The following LAMB1 variants were observed in gnomAD, a reference collection of about 807,000 sequenced individuals.
LAMB1 encodes laminin subunit beta-1.
LAMB1 carries 121 observed loss-of-function variants against 222.3 expected under a neutral mutation model. The ratio of observed to expected loss-of-function variants is 0.54; its 90% CI spans 0.47 to 0.63. The LOEUF (loss-of-function observed/expected upper bound fraction) is 0.63, where lower values mean the gene tolerates loss of function less well. LAMB1 is among the 30% of genes least tolerant of loss of function. The pLI is 0.00. For synonymous variants in LAMB1, 794 were observed against 807.2 expected (o/e 0.98, Z 0.28); for missense variants, 2,172 against 2,240.8 (o/e 0.97, Z 0.62).
intron 32 of LAMB1, 109 bp from the exon 33 acceptor site, chr7:107,924,498 G>T: frequency 1.4e-6 from 1 of 712,038 alleles, no homozygotes; most frequent in Non-Finnish European, 2.1e-6. Context: ...GGCCACCAAG[G>T]ATATTCACTG....
At chr7:107,952,544 A>G (rs1399406915) in intron 22 of LAMB1, among the ~76,000 whole-genome samples, 1 of 152,252 alleles carries the variant, frequency 6.6e-6, no homozygotes, top group Admixed American at 6.5e-5. Context: ...ATTTTAAAAA[A>G]TGCCAGTGGG....
chr7:107,939,397 G>A (rs778705085), intron 25 of LAMB1, among the ~76,000 whole-genome samples: 6 of 152,148 alleles, frequency 3.9e-5, no homozygotes, highest in Non-Finnish European at 7.3e-5. Flanking sequence ...ATAACTAGAT[G>A]AATGAAGCAC....
chr7:107,925,775 T>A (rs2032547721), intron 32 of LAMB1, among the ~76,000 whole-genome samples: 2 of 152,108 alleles, frequency 1.3e-5, no homozygotes, highest in Admixed American at 1.3e-4. Flanking sequence ...TGTTCTCTGT[T>A]CCAACCTGCT....
At chr7:107,951,355 G>T (rs1489918871) in intron 23 of LAMB1, 33 bp from the exon 24 acceptor site, 1 of 1,595,080 alleles carries the variant, frequency 6.3e-7, no homozygotes, top group Non-Finnish European at 8.6e-7. Context: ...GGTCAAGCAG[G>T]CTTCAGGCCA....
intron 5 of LAMB1, among the ~76,000 whole-genome samples, chr7:107,991,905 CAAA>C (rs71134302): frequency 6.5e-5 from 6 of 91,970 alleles, no homozygotes; most frequent in African/African-American, 2.5e-4. Flanking sequence ...GACTTCGTCT[CAAA>C]AAAAAAAAAA....
At chr7:107,974,076 C>A (rs1213023147) in intron 12 of LAMB1, among the ~76,000 whole-genome samples, 1 of 152,114 alleles carries the variant, frequency 6.6e-6, no homozygotes, top group African/African-American at 2.4e-5. Context: ...CACACCTGAC[C>A]AGGCTCATCA....
At chr7:107,985,816 G>T (rs1482057460) in intron 7 of LAMB1, among the ~76,000 whole-genome samples, 1 of 151,844 alleles carries the variant, frequency 6.6e-6, no homozygotes, top group Admixed American at 6.6e-5. Flanking sequence ...AATTAGCTGG[G>T]CGTGGTGGCA....
chr7:107,973,101 G>A, intron 12 of LAMB1, 30 bp from the exon 13 acceptor site: 2 of 1,569,104 alleles, frequency 1.3e-6, no homozygotes, highest in Non-Finnish European at 1.8e-6. Flanking sequence ...ACATGTAACG[G>A]TAGGTTTCTG....
At chr7:107,938,210 G>C (rs1231718531) in intron 25 of LAMB1, among the ~76,000 whole-genome samples, 1 of 152,204 alleles carries the variant, frequency 6.6e-6, no homozygotes, top group Non-Finnish European at 1.5e-5. Context: ...TTAGAAAAAT[G>C]ATATGTAAGG....
chr7:107,990,000 TAAACA>T (rs1166970307), intron 5 of LAMB1, among the ~76,000 whole-genome samples: 1 of 151,340 alleles, frequency 6.6e-6, no homozygotes, highest in Non-Finnish European at 1.5e-5. Flanking sequence ...AAATTTATAA[TAAACA>T]AAAGACCTAT....
chr7:107,991,135 T>C (rs2034173423), intron 5 of LAMB1, among the ~76,000 whole-genome samples: 1 of 152,098 alleles, frequency 6.6e-6, no homozygotes, highest in African/African-American at 2.4e-5. Context: ...TAAACAAAAA[T>C]AAAGCACAAA....
At chr7:107,967,922 A>G (rs2033666623) in intron 13 of LAMB1, among the ~76,000 whole-genome samples, 1 of 152,182 alleles carries the variant, frequency 6.6e-6, no homozygotes, top group Non-Finnish European at 1.5e-5. Context: ...CATCTGATTG[A>G]GAAGACTGAG....
At chr7:107,975,209 C>G in intron 11 of LAMB1, 25 bp downstream of exon 11, 1 of 1,599,470 alleles carries the variant, frequency 6.3e-7, no homozygotes, top group Non-Finnish European at 8.6e-7. Flanking sequence ...AGAAAACTCC[C>G]AAACTTTTTA....
At chr7:107,987,225 C>A (rs901144057) in intron 5 of LAMB1, among the ~76,000 whole-genome samples, 1 of 152,190 alleles carries the variant, frequency 6.6e-6, no homozygotes, top group African/African-American at 2.4e-5. Flanking sequence ...TGTGATTCCA[C>A]TTGTATGAAA....
intron 9 of LAMB1, 94 bp downstream of exon 9, chr7:107,977,953 C>T: frequency 7.0e-7 from 1 of 1,422,680 alleles, no homozygotes; most frequent in South Asian, 1.3e-5. Context: ...CTTTTCTACC[C>T]TCTGCAAAAC....
Position 107,959,390 on chromosome 7 carries a change from T to C in LAMB1, c.2549A>G (p.Gln850Arg), listed in dbSNP as rs779678228. 3.1e-6 allele frequency: 5 copies of C among 1,614,254 alleles called. No individual in the cohort carries two copies. The East Asian group carries it at 6.7e-5, about 22-fold the overall frequency. ...GTGCCCAGGTAAGCACCGATCACAC[T>C]GCCGAGCATACACTCCCTGGAAACA... is the stretch of plus-strand genomic sequence containing the variant. ...CHCFQGVYARQCDRCLPGHWG... is the reference protein window; with the variant it reads ...CHCFQGVYARRCDRCLPGHWG... The change falls in exon 20 of 34, where the codon CAG becomes CGG. Residue 850 changes from glutamine to arginine, a missense_variant. Transcript: ENST00000222399.
rs73725016 is a variant in LAMB1 at position 107,935,848 on chromosome 7, G to A, written c.3947-192C>T. ...GTCCCATTAGCACCTACTCCAGCTC[G>A]AGTATGGCAAACATCTGGGTGAAAA... is the stretch of plus-strand genomic sequence containing the variant. On this transcript the variant is annotated intron_variant, in intron 26 of 33. Coordinates refer to ENST00000222399, the MANE Select transcript of LAMB1 (RefSeq NM_002291.3). 6.0e-3 allele frequency among the ~76,000 whole-genome samples: 909 copies of A among 152,282 alleles called. 11 individuals are homozygous for A. Among genetic ancestry groups the A allele is most frequent in the African/African-American group, 0.021 (861 of 41,574 alleles).
chr7:107,961,054 G>T, intron 17 of LAMB1, 152 bp downstream of exon 17: 2 of 782,482 alleles, frequency 2.6e-6, no homozygotes, highest in Non-Finnish European at 4.0e-6. Context: ...CTTTCCATGG[G>T]GTGGAGTATA....
In LAMB1 at chr7:107,964,722, A is replaced by G. The variant is rs1180135614; in HGVS notation, c.1563-35T>C. On this transcript the variant is annotated intron_variant, in intron 13 of 33. Transcript: ENST00000222399. ...AGGAGGAGCCACATCAGCTGAGTTC[A>G]TGGTCACGCGAGTCAACCCGCCAGA... 5 of 1,611,456 alleles carry G rather than the reference A, an allele frequency of 3.1e-6. No homozygotes were observed. The Admixed American group carries it at 8.4e-5, about 27-fold the overall frequency.
Sources: gnomAD v4.1 joint callset for allele counts (sites outside exome capture counted in the v4.1 genomes callset) on GRCh38, gnomAD v4.1.1 for gene constraint, MANE v1.5 for transcripts, NCBI Gene and HGNC (gene_info 2026-07-23, HGNC 2026-07-21) for gene names.